RIMBP2: variants seen among roughly 807,000 people sequenced by gnomAD.
RIMBP2 encodes the protein RIMS-binding protein 2.
RIMBP2 carries 48 observed loss-of-function variants against 118.6 expected under a neutral mutation model. That is an observed-to-expected ratio of 0.40 (90% confidence interval 0.32 to 0.51). RIMBP2 has a LOEUF of 0.51. Ranked by LOEUF, RIMBP2 falls within the 20% of genes least tolerant of loss-of-function variation. The pLI, the probability that RIMBP2 is intolerant of heterozygous loss-of-function variation, is 0.41. For missense variants in RIMBP2, 1,551 were observed against 1,768.3 expected (o/e 0.88, Z 2.20); for synonymous variants, 762 against 742.9 (o/e 1.03, Z -0.42).
intron 1 of RIMBP2, among the ~76,000 whole-genome samples, chr12:130,706,428 C>G (rs1197006899): frequency 1.3e-5 from 2 of 152,232 alleles, no homozygotes; most frequent in African/African-American, 4.8e-5. Context: ...GAGCAGAGAT[C>G]GGGGCCTGCC....
rs371278689 is a variant in RIMBP2, at chr12:130,705,483, G to C, written c.-352+10739C>G. Among the ~76,000 whole-genome samples, 22 of 152,314 alleles carry C rather than the reference G, an allele frequency of 1.4e-4. 1 individual carries two copies. The East Asian group carries it at 4.2e-3, about 29-fold the overall frequency. The stretch of plus-strand genomic sequence containing the variant: ...GGCCACAGAAGCCTCCTGGGGGAGA[G>C]GCTGGCAGGGAAGGGACGCAGCTGT... On this transcript the variant is annotated intron_variant, in intron 1 of 22. Transcript: ENST00000690449.
intron 1 of RIMBP2, among the ~76,000 whole-genome samples, chr12:130,686,430 C>A (rs557322983): frequency 6.6e-6 from 1 of 152,212 alleles, no homozygotes; most frequent in Non-Finnish European, 1.5e-5. Context: ...GACAGAAACC[C>A]GGGCACCTCG....
intron 21 of RIMBP2, among the ~76,000 whole-genome samples, chr12:130,400,120 A>C (rs2074387662): frequency 6.6e-6 from 1 of 152,104 alleles, no homozygotes; most frequent in South Asian, 2.1e-4. Context: ...TCCTTGGCAG[A>C]TCTCATTTAG....
chr12:130,435,198 AC>A (rs1254931447), intron 13 of RIMBP2, among the ~76,000 whole-genome samples: 1 of 151,894 alleles, frequency 6.6e-6, no homozygotes, highest in Non-Finnish European at 1.5e-5. Flanking sequence ...AGCATGCACC[AC>A]CATGCCTGGC....
chr12:130,592,270 C>T (rs1019038696), intron 2 of RIMBP2, among the ~76,000 whole-genome samples: 1 of 152,204 alleles, frequency 6.6e-6, no homozygotes, highest in African/African-American at 2.4e-5. Flanking sequence ...TTCCTGGAAA[C>T]TCAAAAATTA....
intron 1 of RIMBP2, among the ~76,000 whole-genome samples, chr12:130,646,785 G>A (rs35648761): frequency 0.059 from 9,017 of 152,306 alleles, 355 homozygotes; most frequent in Non-Finnish European, 0.088. Flanking sequence ...ATTGCAGGTC[G>A]CACAACTCAC....
intron 2 of RIMBP2, among the ~76,000 whole-genome samples, chr12:130,520,879 T>C (rs2052032376): frequency 6.6e-6 from 1 of 152,144 alleles, no homozygotes; most frequent in Non-Finnish European, 1.5e-5. Context: ...AGCCTTCTCA[T>C]ACTATGAGAC....
chr12:130,523,940 C>T lies in RIMBP2; in HGVS notation c.-216-6023G>A, dbSNP rs191954272. Among the ~76,000 whole-genome samples the T allele has an allele frequency of 4.6e-5, 7 of 152,292 alleles. No individual in the cohort carries two copies. The highest frequency in any genetic ancestry group is 1.7e-4 in the African/African-American group (7 of 41,546). On this transcript the variant is annotated intron_variant, in intron 2 of 22. Transcript: ENST00000690449. This position sits in a 1 kb window ranked among gnomAD's most constrained non-coding sequence, Gnocchi z 4.4. ...TACATAACAAAGGCATGTAAGGGCA[C>T]AGCAAGGTCTCTGGCTCTCAGGATC...
At chr12:130,594,905 A>G (rs2059464886) in intron 2 of RIMBP2, among the ~76,000 whole-genome samples, 1 of 152,232 alleles carries the variant, frequency 6.6e-6, no homozygotes, top group African/African-American at 2.4e-5. Context: ...AGGCCAAACT[A>G]TTCTTGCCGG....
At chr12:130,604,454 G>A (rs1342510277) in intron 2 of RIMBP2, among the ~76,000 whole-genome samples, 2 of 145,976 alleles carry the variant, frequency 1.4e-5, no homozygotes, top group African/African-American at 2.6e-5. Context: ...AACATCCTAC[G>A]CCTTCACATT....
At position 130,397,119 on chromosome 12, in the gene RIMBP2, C is replaced by G. The variant is rs2074126762; in HGVS notation, c.*242G>C. 2 of 303,630 alleles carry G rather than the reference C, an allele frequency of 6.6e-6. No homozygotes were observed. Among genetic ancestry groups the G allele is most frequent in the Non-Finnish European group, 1.2e-5 (2 of 166,560 alleles). The allele number at this position is 303,630 out of a possible 1,614,324, so 18.8% of individuals were successfully genotyped here. A position where few individuals can be genotyped will look rare whatever the true frequency, so the allele number is the denominator to read the frequency against. On this transcript the variant is annotated 3_prime_UTR_variant, in exon 23 of 23. Coordinates refer to ENST00000690449, the MANE Select transcript of RIMBP2 (RefSeq NM_001393629.1). Reference sequence around the variant, plus strand: ...GCGCCCCCGTTTGTTAATAAGACGTCCCCTCCCACCTCCCAAATCAGAGCT... The same window carrying G: ...GCGCCCCCGTTTGTTAATAAGACGTGCCCTCCCACCTCCCAAATCAGAGCT...
At chr12:130,399,537 A>G in intron 22 of RIMBP2, 142 bp downstream of exon 22, 3 of 875,284 alleles carry the variant, frequency 3.4e-6, no homozygotes, top group Non-Finnish European at 5.2e-6. Flanking sequence ...TACAACTCCC[A>G]TGGCTTCAGG....
intron 4 of RIMBP2, among the ~76,000 whole-genome samples, chr12:130,484,382 C>T (rs891551735): frequency 6.6e-6 from 1 of 152,220 alleles, no homozygotes; most frequent in Non-Finnish European, 1.5e-5. Context: ...CTGACTCTCA[C>T]GTTCCAGCCT....
chr12:130,666,667 G>A (rs923288062), intron 1 of RIMBP2, among the ~76,000 whole-genome samples: 2 of 150,588 alleles, frequency 1.3e-5, no homozygotes, highest in African/African-American at 4.9e-5. Flanking sequence ...GGGGAGGGAT[G>A]GAGGAAAGAG....
At chr12:130,506,499 G>A in intron 4 of RIMBP2, 149 bp downstream of exon 4, 1 of 467,380 alleles carries the variant, frequency 2.1e-6, no homozygotes, top group South Asian at 9.0e-5. Context: ...ACCACAAAAA[G>A]GGGAAAAACA....
chr12:130,498,211 A>C (rs2049379464), intron 4 of RIMBP2, among the ~76,000 whole-genome samples: 1 of 151,990 alleles, frequency 6.6e-6, no homozygotes, highest in South Asian at 2.1e-4. Flanking sequence ...CCATGAAGGC[A>C]GCACTGACTC....
rs917744951 is a variant in RIMBP2, at chr12:130,623,767, A to G, written c.-217+4555T>C. ...GCAAGACATGCTGGAGCCTCCATGC[A>G]CCTGCAAGACCGCCTCAGCCAAGTG... On this transcript the variant is annotated intron_variant, in intron 2 of 22. Coordinates refer to ENST00000690449, the MANE Select transcript of RIMBP2 (RefSeq NM_001393629.1). The surrounding 1 kb of genome is among the most constrained non-coding windows in gnomAD (Gnocchi z 4.1). Among the ~76,000 whole-genome samples the G allele has an allele frequency of 6.6e-6, 1 of 152,148 alleles. No homozygotes were observed. The highest frequency in any genetic ancestry group is 1.5e-5 in the Non-Finnish European group (1 of 68,042).
intron 4 of RIMBP2, among the ~76,000 whole-genome samples, chr12:130,481,208 A>AGGTGGTGAGGGC (rs1209030060): frequency 5.9e-4 from 89 of 151,760 alleles, no homozygotes; most frequent in Middle Eastern, 3.4e-3. Flanking sequence ...AGGAGGAGGC[A>AGGTGGTGAGGGC]GACAGGCTGA....
At chr12:130,509,270 C>T (rs4759704) in intron 3 of RIMBP2, among the ~76,000 whole-genome samples, 142,457 of 152,252 alleles carry the variant, frequency 0.94, 66,999 homozygotes, top group Non-Finnish European at 0.98. Flanking sequence ...CAGTATGTGC[C>T]GGACAGAGAG....
Sources: gnomAD v4.1 joint callset for allele counts (sites outside exome capture counted in the v4.1 genomes callset) on GRCh38, gnomAD v4.1.1 for gene constraint, Gnocchi (gnomAD v3.1) non-coding constraint, MANE v1.5 for transcripts, NCBI Gene and HGNC (gene_info 2026-07-23, HGNC 2026-07-21) for gene names.